Variants in MSI2 observed in about 807,000 individuals in gnomAD.
MSI2 encodes the protein RNA-binding protein Musashi homolog 2.
A neutral mutation model predicts 45.6 loss-of-function variants in MSI2; 17 were observed. The observed-to-expected ratio is 0.37, with a 90% CI of 0.26 to 0.56. MSI2 has a LOEUF of 0.56. MSI2 is among the 20% of genes least tolerant of loss of function. The pLI, the probability that MSI2 is intolerant of heterozygous loss-of-function variation, is 0.77. For synonymous variants in MSI2, 156 were observed against 158.2 expected (o/e 0.99, Z 0.11); for missense variants, 293 against 444.2 (o/e 0.66, Z 3.06).
intron 5 of MSI2, among the ~76,000 whole-genome samples, chr17:57,386,630 A>G (rs1385650837): frequency 1.3e-5 from 2 of 152,120 alleles, no homozygotes; most frequent in East Asian, 1.9e-4. Flanking sequence ...TGCATTGACC[A>G]TGGTCCTCCC....
intron 6 of MSI2, among the ~76,000 whole-genome samples, chr17:57,499,220 AC>A (rs980764194): frequency 4.7e-4 from 72 of 151,970 alleles, no homozygotes; most frequent in Non-Finnish European, 1.0e-4. Flanking sequence ...TACTAAAAAT[AC>A]AAAAATTAGC....
chr17:57,548,778 C>A (rs191993812), intron 7 of MSI2, among the ~76,000 whole-genome samples: 221 of 152,060 alleles, frequency 1.5e-3, no homozygotes, highest in African/African-American at 5.2e-3. Context: ...GATGGCCATT[C>A]GGAGTCAGCC....
In MSI2 at chr17:57,470,044, C is replaced by T. The variant is rs147495835; in HGVS notation, c.406-59632C>T. ...TGCCTTTTCATCCTCCAGGACCCAGCTCAGATGCTGCCTCCCCCAGGAAGC... is the reference window on the plus strand; with the variant it reads ...TGCCTTTTCATCCTCCAGGACCCAGTTCAGATGCTGCCTCCCCCAGGAAGC... On this transcript the variant is annotated intron_variant, in intron 6 of 13. Coordinates refer to ENST00000284073, the MANE Select transcript of MSI2 (RefSeq NM_138962.4). 2.3e-4 allele frequency among the ~76,000 whole-genome samples: 35 copies of T among 152,292 alleles called. 1 individual carries two copies. The East Asian group carries it at 6.6e-3, about 29-fold the overall frequency.
intron 7 of MSI2, among the ~76,000 whole-genome samples, chr17:57,563,867 C>A (rs1217533053): frequency 6.6e-6 from 1 of 151,956 alleles, no homozygotes. Flanking sequence ...GTCCCCAGGC[C>A]CTCCGCCCTC....
chr17:57,631,271 A>C (rs3853827), intron 10 of MSI2: 70,508 of 152,524 alleles, frequency 0.46, 16,977 homozygotes, highest in African/African-American at 0.53. Context: ...GGCTGTTCTC[A>C]CTCATAAACC....
At chr17:57,387,632 A>T (rs896017406) in intron 5 of MSI2, among the ~76,000 whole-genome samples, 4 of 152,232 alleles carry the variant, frequency 2.6e-5, no homozygotes, top group Admixed American at 1.3e-4. Flanking sequence ...TGGGCTGGCG[A>T]TGGATTGATT....
At chr17:57,488,571 C>G (rs1407681996) in intron 6 of MSI2, among the ~76,000 whole-genome samples, 1 of 152,104 alleles carries the variant, frequency 6.6e-6, no homozygotes, top group African/African-American at 2.4e-5. Flanking sequence ...GCCTGTAATC[C>G]CAGCACTTTG....
rs546042818 is a variant in MSI2, at chr17:57,297,280, A to G, written c.312+35088A>G. On this transcript the variant is annotated intron_variant, in intron 5 of 13. Coordinates refer to ENST00000284073, the MANE Select transcript of MSI2 (RefSeq NM_138962.4). Reference sequence around the variant, plus strand: ...TTGGAGATATTGCAGATTCAGTTCCAGACCATTGCAATAAAGTGAATATTG... The same window carrying G: ...TTGGAGATATTGCAGATTCAGTTCCGGACCATTGCAATAAAGTGAATATTG... Among the ~76,000 whole-genome samples, 4 of 151,826 alleles carry G rather than the reference A, an allele frequency of 2.6e-5. No individual in the cohort carries two copies. The South Asian group carries it at 8.3e-4, about 32-fold the overall frequency.
chr17:57,536,962 TG>T (rs995264973), intron 7 of MSI2, among the ~76,000 whole-genome samples: 1 of 152,138 alleles, frequency 6.6e-6, no homozygotes, highest in Non-Finnish European at 1.5e-5. Context: ...AACAGGAATC[TG>T]GGAGAGAATG....
At chr17:57,631,727 TC>T in intron 10 of MSI2, 1 of 1,369,690 alleles carries the variant, frequency 7.3e-7, no homozygotes, top group African/African-American at 1.4e-5. Flanking sequence ...TCCTCTCTTT[TC>T]CCCACTCTGG....
intron 9 of MSI2, among the ~76,000 whole-genome samples, chr17:57,617,702 G>A (rs1383745111): frequency 6.6e-6 from 1 of 152,184 alleles, no homozygotes; most frequent in Admixed American, 6.5e-5. Flanking sequence ...GGAGGCTTAA[G>A]CAGGAGGATC....
At chr17:57,522,534 C>T (rs2086612426) in intron 6 of MSI2, 1 of 152,228 alleles carries the variant, frequency 6.6e-6, no homozygotes, top group Non-Finnish European at 1.5e-5. Flanking sequence ...AGCAGCCTCA[C>T]AGCACAGAGA....
intron 5 of MSI2, among the ~76,000 whole-genome samples, chr17:57,400,569 G>A (rs62060393): frequency 0.067 from 10,250 of 152,160 alleles, 393 homozygotes; most frequent in East Asian, 0.2. Flanking sequence ...ACACAAGGTG[G>A]AGAGCAGTGA....
In MSI2 at chr17:57,627,475, G is replaced by GTT; in HGVS notation, c.727+176_727+177dup. 1 of 645,044 alleles carries GTT rather than the reference G, an allele frequency of 1.6e-6. No individual in the cohort carries two copies. The highest frequency in any genetic ancestry group is 1.9e-5 in the South Asian group (1 of 52,524). The allele number at this position is 645,044 out of a possible 1,614,324, so 40.0% of individuals were successfully genotyped here. A position where few individuals can be genotyped will look rare whatever the true frequency, so the allele number is the denominator to read the frequency against. On this transcript the variant is annotated intron_variant, in intron 10 of 13. Transcript: ENST00000284073. The surrounding 1 kb of genome is among the most constrained non-coding windows in gnomAD (Gnocchi z 4.6). Reference sequence around the variant, plus strand: ...GTTCAAGGCCAGGATGCAGCTCAGAGTTTTTGATTAACTCAGGTATAACTC... The same window carrying GTT: ...GTTCAAGGCCAGGATGCAGCTCAGAGTTTTTTTGATTAACTCAGGTATAACTC...
intron 5 of MSI2, among the ~76,000 whole-genome samples, chr17:57,307,695 C>T (rs1225696294): frequency 1.3e-5 from 2 of 151,532 alleles, no homozygotes; most frequent in East Asian, 3.9e-4. Flanking sequence ...ATCCACTGGC[C>T]TTGGCCTCCT....
At chr17:57,274,731 GATTCAGACAA>G (rs1441273893) in intron 5 of MSI2, among the ~76,000 whole-genome samples, 1 of 152,196 alleles carries the variant, frequency 6.6e-6, no homozygotes, top group East Asian at 1.9e-4. Flanking sequence ...GTGTAATTTG[GATTCAGACAA>G]ATTCATGTGC....
intron 8 of MSI2, among the ~76,000 whole-genome samples, chr17:57,605,273 GAT>G (rs1242893662): frequency 6.6e-6 from 1 of 152,212 alleles, no homozygotes; most frequent in African/African-American, 2.4e-5. Context: ...AGAGCAGAGT[GAT>G]TAGTGTGTTG....
chr17:57,594,892 T>C (rs2144443591), intron 7 of MSI2, among the ~76,000 whole-genome samples: 1 of 151,736 alleles, frequency 6.6e-6, no homozygotes, highest in Non-Finnish European at 1.5e-5. Flanking sequence ...TACAACAGGC[T>C]GGACTGTGTA....
intron 11 of MSI2, among the ~76,000 whole-genome samples, chr17:57,666,466 A>G (rs1043370473): frequency 6.6e-6 from 1 of 152,206 alleles, no homozygotes; most frequent in Admixed American, 6.5e-5. Context: ...CAGCTTCTAG[A>G]ACTTTGTGCT....
Sources: gnomAD v4.1 joint callset for allele counts (sites outside exome capture counted in the v4.1 genomes callset) on GRCh38, gnomAD v4.1.1 for gene constraint, Gnocchi (gnomAD v3.1) non-coding constraint, MANE v1.5 for transcripts, NCBI Gene and HGNC (gene_info 2026-07-23, HGNC 2026-07-21) for gene names.